The following CENPU variants were observed in gnomAD, a reference collection of about 807,000 sequenced individuals.
CENPU encodes the protein KSHV latent nuclear antigen interacting protein 1.
CENPU carries 46 observed loss-of-function variants against 56.7 expected under a neutral mutation model. The observed-to-expected ratio is 0.81, with a 90% CI of 0.64 to 1.04. The LOEUF (loss-of-function observed/expected upper bound fraction) is 1.04, where lower values mean the gene tolerates loss of function less well. Among genes scored for constraint, CENPU ranks in the 50% least tolerant of loss-of-function variants. The pLI, the probability that CENPU is intolerant of heterozygous loss-of-function variation, is 0.00. For synonymous variants in CENPU, 166 were observed against 163.0 expected (o/e 1.02, Z -0.14); for missense variants, 510 against 490.1 (o/e 1.04, Z -0.38).
intron 11 of CENPU, among the ~76,000 whole-genome samples, chr4:184,699,369 C>T (rs1760453980): frequency 7.0e-6 from 1 of 143,692 alleles, no homozygotes; most frequent in Non-Finnish European, 1.5e-5. Flanking sequence ...ATAAACTTGT[C>T]TCAGTAGTCT....
chr4:184,733,389 G>T (rs1761725293), intron 1 of CENPU: 1 of 992,634 alleles, frequency 1.0e-6, no homozygotes, highest in Admixed American at 5.7e-5. Flanking sequence ...TCTGCAGCAA[G>T]CCGAGACCCT....
chr4:184,700,218 G>GGCA (rs1349386580), intron 11 of CENPU, among the ~76,000 whole-genome samples: 1 of 152,106 alleles, frequency 6.6e-6, no homozygotes, highest in Non-Finnish European at 1.5e-5. Context: ...TGGCCTGCAG[G>GGCA]GCCTGGTAAG....
At position 184,716,776 on chromosome 4, in the gene CENPU, T is replaced by C. The variant is rs1034922370; in HGVS notation, c.382-143A>G. 3.0e-5 allele frequency: 20 copies of C among 665,360 alleles called. No homozygotes were observed. The African/African-American group carries it at 3.3e-4, about 11-fold the overall frequency. 41.2% of individuals were successfully genotyped at this position (665,360 alleles called of 1,614,324 possible). A position where few individuals can be genotyped will look rare whatever the true frequency, so the allele number is the denominator to read the frequency against. On this transcript the variant is annotated intron_variant, in intron 5 of 12. Coordinates refer to ENST00000281453, the MANE Select transcript of CENPU (RefSeq NM_024629.4). The stretch of plus-strand genomic sequence containing the variant: ...TGAACATAATAGGAAGACGGCAACT[T>C]AATTAGTGGATAGGACAGGAAACCT...
chr4:184,714,321 C>T (rs901063001), intron 6 of CENPU, among the ~76,000 whole-genome samples: 11 of 152,066 alleles, frequency 7.2e-5, no homozygotes, highest in African/African-American at 2.7e-4. Flanking sequence ...TATCTACAGG[C>T]AGGCAATCAG....
chr4:184,714,894 C>CA (rs1453149724), intron 6 of CENPU, among the ~76,000 whole-genome samples: 1 of 146,534 alleles, frequency 6.8e-6, no homozygotes, highest in Non-Finnish European at 1.5e-5. Flanking sequence ...GCCCCATCAC[C>CA]AAAAACAAAA....
intron 8 of CENPU, among the ~76,000 whole-genome samples, chr4:184,704,593 A>G (rs1760660991): frequency 1.3e-5 from 2 of 152,194 alleles, no homozygotes; most frequent in South Asian, 4.1e-4. Context: ...ACATGACTGA[A>G]TATGATTCCA....
At chr4:184,700,048 C>G (rs2150201438) in intron 11 of CENPU, among the ~76,000 whole-genome samples, 1 of 152,314 alleles carries the variant, frequency 6.6e-6, no homozygotes, top group South Asian at 2.1e-4. Flanking sequence ...ATATCACTGT[C>G]TTTCTCAAGC....
Position 184,703,509 on chromosome 4 carries a change from G to A in CENPU, c.798-1068C>T, listed in dbSNP as rs78877548. Among the ~76,000 whole-genome samples, 324 of 152,244 alleles carry A rather than the reference G, an allele frequency of 2.1e-3. 2 individuals are homozygous for A. Among genetic ancestry groups the A allele is most frequent in the African/African-American group, 7.3e-3 (305 of 41,556 alleles). On this transcript the variant is annotated intron_variant, in intron 8 of 12. Transcript: ENST00000281453. The stretch of plus-strand genomic sequence containing the variant: ...AAAAAACAAAACAACAAGTGTTGGT[G>A]AGAAAGTACAGAAATAGGAACCCTT...
At chr4:184,708,450 A>G (rs1420173784) in intron 8 of CENPU, among the ~76,000 whole-genome samples, 1 of 151,868 alleles carries the variant, frequency 6.6e-6, no homozygotes, top group African/African-American at 2.4e-5. Context: ...AAATTTGTTC[A>G]GCAGCAATAG....
intron 8 of CENPU, among the ~76,000 whole-genome samples, chr4:184,707,663 G>A (rs540357965): frequency 3.1e-4 from 47 of 152,230 alleles, no homozygotes; most frequent in African/African-American, 9.6e-4. Flanking sequence ...CTGCACTGAC[G>A]GGCACTAACA....
intron 8 of CENPU, among the ~76,000 whole-genome samples, chr4:184,707,334 G>A (rs1012830443): frequency 2.7e-5 from 4 of 145,600 alleles, no homozygotes; most frequent in African/African-American, 8.4e-5. Flanking sequence ...TCCCATCACC[G>A]ATCTCATCAA....
At chr4:184,708,777 G>A (rs1318666082) in intron 8 of CENPU, among the ~76,000 whole-genome samples, 1 of 152,186 alleles carries the variant, frequency 6.6e-6, no homozygotes, top group Admixed American at 6.5e-5. Context: ...GAGTCACACT[G>A]AGGTGTTGGA....
chr4:184,704,602 C>T (rs183039757), intron 8 of CENPU, among the ~76,000 whole-genome samples: 68 of 151,680 alleles, frequency 4.5e-4, no homozygotes, highest in Non-Finnish European at 7.5e-4. Context: ...AATATGATTC[C>T]ACCTTAATAA....
chr4:184,723,453 T>C (rs1761344700), intron 4 of CENPU, among the ~76,000 whole-genome samples: 1 of 152,194 alleles, frequency 6.6e-6, no homozygotes, highest in Admixed American at 6.5e-5. Context: ...AGGTGTTACC[T>C]ACTCAAAATA....
chr4:184,714,507 A>G (rs1404176882), intron 6 of CENPU, among the ~76,000 whole-genome samples: 5 of 152,222 alleles, frequency 3.3e-5, no homozygotes, highest in Non-Finnish European at 7.3e-5. Flanking sequence ...AGAATTATAC[A>G]TAATATTGTT....
At chr4:184,697,259 A>C (rs926434257) in intron 12 of CENPU, among the ~76,000 whole-genome samples, 8 of 152,198 alleles carry the variant, frequency 5.3e-5, no homozygotes, top group Admixed American at 6.5e-5. Flanking sequence ...AGATGCCGTG[A>C]ACATGGGCTA....
At chr4:184,709,966 AACAATG>A in intron 8 of CENPU, 100 bp downstream of exon 8, 1 of 447,868 alleles carries the variant, frequency 2.2e-6, no homozygotes, top group Non-Finnish European at 4.0e-6. Context: ...AAATATCTAA[AACAATG>A]ACAATGAAAA....
At chr4:184,713,519 C>T (rs1760992765) in intron 6 of CENPU, among the ~76,000 whole-genome samples, 1 of 152,134 alleles carries the variant, frequency 6.6e-6, no homozygotes, top group South Asian at 2.1e-4. Flanking sequence ...GAAAATAAAA[C>T]TTTCAGTTGA....
intron 4 of CENPU, 112 bp from the exon 5 acceptor site, chr4:184,717,308 C>A: frequency 5.1e-6 from 4 of 788,612 alleles, no homozygotes; most frequent in South Asian, 1.7e-5. Context: ...GAGGAAATAT[C>A]CTATTTGTCA....
Sources: allele counts gnomAD v4.1 joint callset (sites outside exome capture counted in the v4.1 genomes callset), GRCh38; gene constraint gnomAD v4.1.1; transcripts MANE v1.5; gene names NCBI Gene and HGNC (gene_info 2026-07-23, HGNC 2026-07-21).